Variants in MEIS3 observed in about 807,000 individuals in gnomAD.
The protein encoded by MEIS3 is Meis homeobox 3, also known as homeobox protein Meis3.
Under a neutral mutation model 51.4 loss-of-function variants are expected in MEIS3, and 38 were observed. The observed-to-expected ratio is 0.74, with a 90% CI of 0.57 to 0.97. The LOEUF is 0.97. Ranked by LOEUF, MEIS3 falls within the 50% of genes least tolerant of loss-of-function variation. The pLI is 0.00. For synonymous variants in MEIS3, 198 were observed against 201.8 expected (o/e 0.98, Z 0.16); for missense variants, 456 against 502.6 (o/e 0.91, Z 0.89).
chr19:47,403,277 C>T lies in MEIS3; in HGVS notation c.*294G>A, dbSNP rs1006370174. The T allele has an allele frequency of 1.1e-5, 4 of 367,622 alleles. No individual in the cohort carries two copies. The highest frequency in any genetic ancestry group is 4.0e-5 in the South Asian group (2 of 49,656). The allele number at this position is 367,622 out of a possible 1,614,324, so 22.8% of individuals were successfully genotyped here. ...CCACCCCGTCCCTTCTCTGTCCTGG[C>T]GGCGAGGCCCTAGCCGCCATCTTCT... On this transcript the variant is annotated 3_prime_UTR_variant, in exon 13 of 13. Coordinates refer to ENST00000558555, the MANE Select transcript of MEIS3 (RefSeq NM_001301059.2).
At chr19:47,420,521 CAGAGAG>C (rs148696106), upstream of MEIS3, among the ~76,000 whole-genome samples, 6,450 of 135,054 alleles carry the variant, frequency 0.048, 256 homozygotes, top group African/African-American at 0.12. Context: ...CGGTGTGATT[CAGAGAG>C]AGAGAGAGAC....
intron 8 of MEIS3, 97 bp from the exon 9 acceptor site, chr19:47,407,525 G>A (rs369589178): frequency 5.0e-6 from 8 of 1,603,536 alleles, no homozygotes; most frequent in Admixed American, 1.7e-5. Context: ...GGGAGCCCAG[G>A]CCCAGGCAGA....
At chr19:47,421,216 C>T (rs1372383386), upstream of MEIS3, among the ~76,000 whole-genome samples, 1 of 152,120 alleles carries the variant, frequency 6.6e-6, no homozygotes, top group African/African-American at 2.4e-5. Context: ...GCAGGGGTCT[C>T]CGCCCTCTAG....
Position 47,419,066 on chromosome 19 carries a change from C to T in MEIS3, c.12+4G>A, listed in dbSNP as rs1971602648. 3 of 1,247,732 alleles carry T rather than the reference C, an allele frequency of 2.4e-6. No individual in the cohort carries two copies. Among genetic ancestry groups the T allele is most frequent in the South Asian group, 3.5e-5 (1 of 28,666 alleles). 77.3% of individuals were successfully genotyped at this position (1,247,732 alleles called of 1,614,324 possible). A position where few individuals can be genotyped will look rare whatever the true frequency, so the allele number is the denominator to read the frequency against. On this transcript the variant is annotated splice_donor_region_variant and intron_variant, in intron 1 of 12. Coordinates refer to ENST00000558555, the MANE Select transcript of MEIS3 (RefSeq NM_001301059.2). ...GGACGCGGGGTCCCCGCCCCGAGAC[C>T]TACCCTCCGGGCCATGGGCTGAGGC...
intron 6 of MEIS3, among the ~76,000 whole-genome samples, chr19:47,411,943 A>G (rs967365818): frequency 2.0e-5 from 3 of 151,840 alleles, no homozygotes; most frequent in African/African-American, 7.3e-5. Context: ...TCCTGGGCTT[A>G]AGCAATCCTC....
chr19:47,419,214 C>T lies in MEIS3; in HGVS notation c.-133G>A, dbSNP rs1971610410. 1.8e-6 allele frequency: 1 copy of T among 557,876 alleles called. No homozygotes were observed. The highest frequency in any genetic ancestry group is 2.6e-6 in the Non-Finnish European group (1 of 382,056). The allele number at this position is 557,876 out of a possible 1,614,324, so 34.6% of individuals were successfully genotyped here. Reference sequence around the variant, plus strand: ...TGGGCAGGAGGCCAGGCGCGCGCCCCCCCACCCCCGCCGCCGTCAGCGGCA... The same window carrying T: ...TGGGCAGGAGGCCAGGCGCGCGCCCTCCCACCCCCGCCGCCGTCAGCGGCA... On this transcript the variant is annotated 5_prime_UTR_variant, in exon 1 of 13. Transcript: ENST00000558555.
Position 47,403,148 on chromosome 19 carries a change from TA to T in MEIS3, c.*422del, listed in dbSNP as rs200674772. On this transcript the variant is annotated 3_prime_UTR_variant, in exon 13 of 13. Coordinates refer to ENST00000558555, the MANE Select transcript of MEIS3 (RefSeq NM_001301059.2). ...CTCCGTGTTTTTAAGACTTTATCAT[TA>T]AAAAAAAGAAGAAATTAGAGAAGGG... 4.3e-5 allele frequency: 10 copies of T among 234,994 alleles called. No homozygotes were observed. The highest frequency in any genetic ancestry group is 1.6e-4 in the Admixed American group (3 of 19,002). The allele number at this position is 234,994 out of a possible 1,614,324, so 14.6% of individuals were successfully genotyped here.
intron 6 of MEIS3, among the ~76,000 whole-genome samples, chr19:47,410,303 C>A (rs904031498): frequency 2.6e-5 from 4 of 152,014 alleles, no homozygotes; most frequent in African/African-American, 9.7e-5. Context: ...CAAAAATTAG[C>A]TGGGCATGAT....
At chr19:47,420,934 A>ACTCTCTCT (rs1568434238), upstream of MEIS3, among the ~76,000 whole-genome samples, 5 of 103,492 alleles carry the variant, frequency 4.8e-5, no homozygotes, top group African/African-American at 2.5e-4. Flanking sequence ...ACACACACAC[A>ACTCTCTCT]CACACACTCT....
intron 12 of MEIS3, chr19:47,405,874 TG>T (rs1291532884): frequency 6.6e-6 from 1 of 152,212 alleles, no homozygotes; most frequent in Non-Finnish European, 1.5e-5. Flanking sequence ...TGTTTGGAGA[TG>T]TATCATAGAT....
At position 47,410,452 on chromosome 19, in the gene MEIS3, C is replaced by CAAA. The variant is rs562672336; in HGVS notation, c.598-908_598-906dup. 3.5e-3 allele frequency among the ~76,000 whole-genome samples: 215 copies of CAAA among 61,268 alleles called. 1 individual carries two copies. The highest frequency in any genetic ancestry group is 0.011 in the African/African-American group (199 of 18,410). 40.2% of individuals were successfully genotyped at this position (61,268 alleles called of 152,430 possible). On this transcript the variant is annotated intron_variant, in intron 6 of 12. Transcript: ENST00000558555. ...GGGGTGACAAAGTGAGACTACGTCT[C>CAAA]AAAAAAAAAAAAAAAAGAAAAAGGA...
chr19:47,408,815 C>T (rs1327010275), intron 8 of MEIS3, among the ~76,000 whole-genome samples: 6 of 152,172 alleles, frequency 3.9e-5, no homozygotes, highest in Middle Eastern at 3.4e-3. Flanking sequence ...CCCCTCCCTC[C>T]GAGGGTACAC....
chr19:47,413,298 C>G (rs1450879759), intron 6 of MEIS3, among the ~76,000 whole-genome samples: 1 of 151,434 alleles, frequency 6.6e-6, no homozygotes, highest in African/African-American at 2.4e-5. Flanking sequence ...GAGGCTGAGG[C>G]AGGGGAATAG....
At chr19:47,406,345 C>A in intron 12 of MEIS3, 115 bp downstream of exon 12, 1 of 722,832 alleles carries the variant, frequency 1.4e-6, no homozygotes. Flanking sequence ...CCTCAGAGAA[C>A]CCACAGTACA....
chr19:47,407,589 C>A (rs1970910162), intron 8 of MEIS3, 161 bp from the exon 9 acceptor site: 3 of 1,468,962 alleles, frequency 2.0e-6, no homozygotes, highest in East Asian at 5.0e-5. Context: ...GGATGGAGAC[C>A]AAGGGAGCCT....
At chr19:47,421,786 GAT>G (rs998720002), upstream of MEIS3, among the ~76,000 whole-genome samples, 3 of 150,188 alleles carry the variant, frequency 2.0e-5, no homozygotes, top group Non-Finnish European at 3.0e-5. Context: ...TCTTTGTCTG[GAT>G]GTCTTCTCTG....
chr19:47,416,319 G>A (rs957267233), intron 4 of MEIS3: 4 of 279,902 alleles, frequency 1.4e-5, no homozygotes, highest in East Asian at 7.8e-5. Flanking sequence ...CACTTGAATC[G>A]CATTCACTCA....
intron 6 of MEIS3, among the ~76,000 whole-genome samples, chr19:47,413,451 G>A (rs777113232): frequency 6.6e-6 from 1 of 151,978 alleles, no homozygotes; most frequent in Non-Finnish European, 1.5e-5. Flanking sequence ...TGGCTGTGGC[G>A]TGGTCGTCAT....
intron 12 of MEIS3, among the ~76,000 whole-genome samples, chr19:47,404,536 G>C (rs1970730561): frequency 6.6e-6 from 1 of 152,254 alleles, no homozygotes. Flanking sequence ...GGCTGGGGCT[G>C]TCTCACAGCC....
Sources: allele counts gnomAD v4.1 joint callset (sites outside exome capture counted in the v4.1 genomes callset), GRCh38; gene constraint gnomAD v4.1.1; transcripts MANE v1.5; gene names NCBI Gene and HGNC (gene_info 2026-07-23, HGNC 2026-07-21).